PPP6R3: variants seen among roughly 807,000 people sequenced by gnomAD.
PPP6R3 encodes the protein protein phosphatase 6 regulatory subunit 3, also known as serine/threonine-protein phosphatase 6 regulatory subunit 3.
Under a neutral mutation model 110.7 loss-of-function variants are expected in PPP6R3, and 38 were observed. That is an observed-to-expected ratio of 0.34 (90% confidence interval 0.26 to 0.45). The LOEUF is 0.45. PPP6R3 is among the 20% of genes least tolerant of loss of function. PPP6R3 has a pLI of 1.00. For synonymous variants in PPP6R3, 369 were observed against 373.5 expected, an observed-to-expected ratio of 0.99 and a Z score of 0.14; for missense variants, 870 against 1,062.4, an observed-to-expected ratio of 0.82 and a Z score of 2.52.
intron 2 of PPP6R3, among the ~76,000 whole-genome samples, chr11:68,529,379 C>T (rs1027181527): frequency 2.6e-5 from 4 of 152,062 alleles, no homozygotes; most frequent in South Asian, 2.1e-4. Flanking sequence ...CCATTGTGCC[C>T]GGCTAATTTT....
chr11:68,468,853 A>T lies in PPP6R3; in HGVS notation c.-158+8026A>T, dbSNP rs533458355. Among the ~76,000 whole-genome samples, 3 of 152,374 alleles carry T rather than the reference A, an allele frequency of 2.0e-5. No individual in the cohort carries two copies. The South Asian group carries it at 6.2e-4, about 32-fold the overall frequency. ...AGGTTTGCAGTTTGCTTTCTAAAAC[A>T]TCTTTTAAGTTTATTCTTTTCTGGC... On this transcript the variant is annotated intron_variant, in intron 1 of 23. Transcript: ENST00000393800.
At position 68,554,266 on chromosome 11, in the gene PPP6R3, A is replaced by T. The variant is rs753612909; in HGVS notation, c.731+9A>T. 5 of 1,579,814 alleles carry T rather than the reference A, an allele frequency of 3.2e-6. No individual in the cohort carries two copies. Among genetic ancestry groups the T allele is most frequent in the Non-Finnish European group, 4.3e-6 (5 of 1,152,526 alleles). ...CTTGCCACTCTAGAAAAGTATGTGT[A>T]AAACTCTGTTCTTGTTCTTCTTTCA... On this transcript the variant is annotated intron_variant, in intron 7 of 23. Transcript: ENST00000393800.
intron 19 of PPP6R3, among the ~76,000 whole-genome samples, chr11:68,598,409 G>A (rs778658757): frequency 3.9e-5 from 6 of 152,212 alleles, no homozygotes; most frequent in Non-Finnish European, 7.4e-5. Context: ...GATAAGCAGC[G>A]AGGAGGCGAG....
At chr11:68,505,735 C>G (rs2099072568) in intron 1 of PPP6R3, among the ~76,000 whole-genome samples, 2 of 152,176 alleles carry the variant, frequency 1.3e-5, no homozygotes, top group Admixed American at 6.5e-5. Context: ...CTTTGCCTTC[C>G]TAGCCATGTT....
intron 22 of PPP6R3, among the ~76,000 whole-genome samples, chr11:68,609,175 T>C (rs1001596157): frequency 4.7e-4 from 71 of 152,248 alleles, no homozygotes; most frequent in African/African-American, 1.7e-3. Context: ...CTCTTGTGTC[T>C]TTCTCCACCA....
At chr11:68,540,672 T>G (rs1291591690) in intron 3 of PPP6R3, among the ~76,000 whole-genome samples, 1 of 148,952 alleles carries the variant, frequency 6.7e-6, no homozygotes, top group Non-Finnish European at 1.5e-5. Context: ...GCACTGACCA[T>G]AAGAGATGAC....
chr11:68,591,729 T>G (rs1313689896), intron 18 of PPP6R3, 23 bp downstream of exon 18: 1 of 1,598,408 alleles, frequency 6.3e-7, no homozygotes, highest in South Asian at 1.1e-5. Context: ...TGGTTATAGT[T>G]GTAATTATAG....
intron 2 of PPP6R3, among the ~76,000 whole-genome samples, chr11:68,524,227 A>G (rs2099183525): frequency 6.6e-6 from 1 of 152,014 alleles, no homozygotes; most frequent in Non-Finnish European, 1.5e-5. Flanking sequence ...GATAATTTGC[A>G]CTTTTTACTT....
chr11:68,614,851 C>T lies in PPP6R3; in HGVS notation c.*1734C>T, dbSNP rs563372709. On this transcript the variant is annotated 3_prime_UTR_variant, in exon 24 of 24. Coordinates refer to ENST00000393800, the MANE Select transcript of PPP6R3 (RefSeq NM_001164161.2). ...CCTCAGGGCTGCCTGACTTGAATGGCGTTGGACCTCGGGGATTACTGGTAG... is the reference window on the plus strand; with the variant it reads ...CCTCAGGGCTGCCTGACTTGAATGGTGTTGGACCTCGGGGATTACTGGTAG... 7.6e-5 allele frequency: 83 copies of T among 1,091,100 alleles called. No individual in the cohort carries two copies. Among genetic ancestry groups the T allele is most frequent in the East Asian group, 7.6e-4 (29 of 38,350 alleles). 67.6% of individuals were successfully genotyped at this position (1,091,100 alleles called of 1,614,324 possible).
intron 2 of PPP6R3, among the ~76,000 whole-genome samples, chr11:68,527,176 G>A (rs913714154): frequency 6.6e-6 from 1 of 152,178 alleles, no homozygotes; most frequent in Non-Finnish European, 1.5e-5. Context: ...CTTGGAGGAG[G>A]CAGAATGCTG....
At chr11:68,510,929 T>G (rs2099105510) in intron 1 of PPP6R3, among the ~76,000 whole-genome samples, 1 of 152,174 alleles carries the variant, frequency 6.6e-6, no homozygotes, top group East Asian at 1.9e-4. Flanking sequence ...AAGGATTGGC[T>G]CTCTCTTCTC....
intron 1 of PPP6R3, among the ~76,000 whole-genome samples, chr11:68,461,497 G>C (rs1020277868): frequency 1.3e-5 from 2 of 149,686 alleles, no homozygotes; most frequent in African/African-American, 4.9e-5. Flanking sequence ...CCGGGGGTGG[G>C]GGGGGTGGGT....
At chr11:68,522,601 A>G (rs1377246573) in intron 2 of PPP6R3, 1 of 152,252 alleles carries the variant, frequency 6.6e-6, no homozygotes, top group Middle Eastern at 3.2e-3. Flanking sequence ...TGAGTGCATG[A>G]AGTTTACTGT....
chr11:68,563,458 A>G (rs1027423288), intron 8 of PPP6R3, among the ~76,000 whole-genome samples: 1 of 152,184 alleles, frequency 6.6e-6, no homozygotes, highest in Non-Finnish European at 1.5e-5. Context: ...ATCTAGGATA[A>G]TCTTTCATCT....
intron 1 of PPP6R3, among the ~76,000 whole-genome samples, chr11:68,466,859 C>T (rs151043143): frequency 4.6e-5 from 7 of 152,046 alleles, no homozygotes; most frequent in South Asian, 2.1e-4. Context: ...GTGATCCGCC[C>T]GCCTTGGCCT....
intron 1 of PPP6R3, among the ~76,000 whole-genome samples, chr11:68,488,006 G>A (rs2098959249): frequency 6.6e-6 from 1 of 152,172 alleles, no homozygotes; most frequent in African/African-American, 2.4e-5. Flanking sequence ...CTCCCTTGCA[G>A]TTCTATCAGT....
Position 68,571,195 on chromosome 11 carries a change from A to G in PPP6R3, c.1343+91A>G. 6 of 1,454,400 alleles carry G rather than the reference A, an allele frequency of 4.1e-6. No homozygotes were observed. The South Asian group carries it at 8.3e-5, about 20-fold the overall frequency. The allele number at this position is 1,454,400 out of a possible 1,614,324, so 90.1% of individuals were successfully genotyped here. ...TTGCCCTAGTCAGAAAAAAATGGAA[A>G]TAATTACATGATACTGGCCATTTTA... On this transcript the variant is annotated intron_variant, in intron 12 of 23. Coordinates refer to ENST00000393800, the MANE Select transcript of PPP6R3 (RefSeq NM_001164161.2).
At chr11:68,478,853 T>A (rs2098868985) in intron 1 of PPP6R3, among the ~76,000 whole-genome samples, 1 of 151,910 alleles carries the variant, frequency 6.6e-6, no homozygotes, top group African/African-American at 2.4e-5. Flanking sequence ...AGAGGGGGTT[T>A]CACCATGTTG....
rs758646239 is a variant in PPP6R3 at position 68,484,003 on chromosome 11, G to A, written c.-158+23176G>A. On this transcript the variant is annotated intron_variant, in intron 1 of 23. Transcript: ENST00000393800. ...GCCTTTTCATATTGGCTTCTTTCAC[G>A]TAATAATATGCATTAAGTTTTCTTC... 7.9e-5 allele frequency among the ~76,000 whole-genome samples: 12 copies of A among 152,240 alleles called. No individual in the cohort carries two copies. The South Asian group carries it at 2.5e-3, about 32-fold the overall frequency.
Sources: gnomAD v4.1 joint callset for allele counts (sites outside exome capture counted in the v4.1 genomes callset) on GRCh38, gnomAD v4.1.1 for gene constraint, MANE v1.5 for transcripts, NCBI Gene and HGNC (gene_info 2026-07-23, HGNC 2026-07-21) for gene names.